NIBAN2: variants seen among roughly 807,000 people sequenced by gnomAD.
NIBAN2 encodes the protein niban apoptosis regulator 2, also known as protein Niban 2.
Under a neutral mutation model 81.8 loss-of-function variants are expected in NIBAN2, and 36 were observed. The ratio of observed to expected loss-of-function variants is 0.44; its 90% CI spans 0.34 to 0.58. The LOEUF (loss-of-function observed/expected upper bound fraction) is 0.58. Among genes scored for constraint, NIBAN2 ranks in the 20% least tolerant of loss-of-function variants. The pLI is 0.02. For missense variants in NIBAN2, 897 were observed against 1,014.1 expected (o/e 0.88, Z 1.57); for synonymous variants, 445 against 441.6 (o/e 1.01, Z -0.10).
intron 1 of NIBAN2, among the ~76,000 whole-genome samples, chr9:127,534,230 C>G (rs1461667130): frequency 6.6e-6 from 1 of 152,254 alleles, no homozygotes; most frequent in Non-Finnish European, 1.5e-5. Flanking sequence ...TTCCAGGTTT[C>G]AAAGACCTGG....
intron 2 of NIBAN2, among the ~76,000 whole-genome samples, chr9:127,529,311 C>T (rs1296754877): frequency 6.6e-6 from 1 of 152,208 alleles, no homozygotes; most frequent in Non-Finnish European, 1.5e-5. Context: ...CAGAGTGGGG[C>T]CACGGGGCTG....
At position 127,561,174 on chromosome 9, in the gene NIBAN2, C is replaced by T. The variant is rs982086042; in HGVS notation, c.55+7646G>A. ...TTGCTGGAACCACAGCCCCATCCCA[C>T]CGTCCTCCAGGAACTCGCTGAATAC... On this transcript the variant is annotated intron_variant, in intron 1 of 13. Coordinates refer to ENST00000373312, the MANE Select transcript of NIBAN2 (RefSeq NM_022833.4). 3.0e-6 allele frequency: 3 copies of T among 985,468 alleles called. No homozygotes were observed. The African/African-American group carries it at 5.2e-5, about 17-fold the overall frequency. 61.0% of individuals were successfully genotyped at this position (985,468 alleles called of 1,614,324 possible).
rs546349539 is a variant in NIBAN2 at position 127,509,105 on chromosome 9, C to T, written c.1188G>A (p.Ala396=). 21 of 1,612,384 alleles carry T rather than the reference C, an allele frequency of 1.3e-5. No homozygotes were observed. Among genetic ancestry groups the T allele is most frequent in the Admixed American group, 8.3e-5 (5 of 59,972 alleles). The change falls in exon 10 of 14, where the codon GCG becomes GCA. Residue 396 remains alanine (A), a synonymous_variant. Transcript: ENST00000373312. The part of the protein sequence containing the change: ...GEYMEKLSRL[A]YHPLKMQSCY... ...AGCTCTGCATCTTCAGGGGGTGGTACGCCAGCCGGGACAGCTTCTCCATGT... is the reference window on the plus strand; with the variant it reads ...AGCTCTGCATCTTCAGGGGGTGGTATGCCAGCCGGGACAGCTTCTCCATGT...
At chr9:127,579,014 G>T, upstream of NIBAN2, 1 of 1,359,896 alleles carries the variant, frequency 7.4e-7, no homozygotes, top group Non-Finnish European at 1.0e-6. Context: ...CTTGAGAGCT[G>T]TTTGCTGCTG....
At chr9:127,557,457 C>T (rs1001020769) in intron 1 of NIBAN2, among the ~76,000 whole-genome samples, 4 of 145,340 alleles carry the variant, frequency 2.8e-5, no homozygotes, top group Non-Finnish European at 6.1e-5. Context: ...AGAAGCCACA[C>T]AGGGGACTGC....
intron 8 of NIBAN2, among the ~76,000 whole-genome samples, chr9:127,514,446 TA>T (rs1836789167): frequency 6.6e-6 from 1 of 151,780 alleles, no homozygotes; most frequent in African/African-American, 2.4e-5. Context: ...CCACAAAAAT[TA>T]AAAATGAAAA....
At position 127,527,313 on chromosome 9, in the gene NIBAN2, C is replaced by G; in HGVS notation, c.196G>C (p.Asp66His). 1 of 1,613,432 alleles carries G rather than the reference C, an allele frequency of 6.2e-7. No individual in the cohort carries two copies. The part of the protein sequence containing the change: ...AQLLWRKVPL[D>H]ERIVFSGNLF... ...TTCCCCGAGAAGACGATGCGCTCGT[C>G]CAGTGGCACCTGTGGGCAGGAGCGG... Residue 66 changes from aspartate to histidine, a missense_variant, in exon 3 of 14, where the codon GAC (aspartate) becomes CAC (histidine). Physicochemically the swap from Asp to His is moderately conservative, Grantham distance 81. This residue lies in a region of NIBAN2 where 209 missense variants were observed against 208.4 expected (regional missense o/e 1.00). Transcript: ENST00000373312.
In NIBAN2 at chr9:127,563,933, G is replaced by C. The variant is rs1012297292; in HGVS notation, c.55+4887C>G. 3.9e-5 allele frequency among the ~76,000 whole-genome samples: 6 copies of C among 152,152 alleles called. No homozygotes were observed. Among genetic ancestry groups the C allele is most frequent in the Non-Finnish European group, 8.8e-5 (6 of 68,032 alleles). On this transcript the variant is annotated intron_variant, in intron 1 of 13. Transcript: ENST00000373312. This position sits in a 1 kb window ranked among gnomAD's most constrained non-coding sequence, Gnocchi z 4.1. ...AAAGGATGAAAATGCTCAATGCTAA[G>C]GTCCATCTTAGCAGGAGAGTGTCAA...
chr9:127,540,064 G>T (rs1429853835), intron 1 of NIBAN2, among the ~76,000 whole-genome samples: 3 of 152,196 alleles, frequency 2.0e-5, no homozygotes, highest in Admixed American at 6.5e-5. Context: ...TCTTGTCAAG[G>T]TTCCTCTAAC....
At chr9:127,527,940 T>G (rs1360843412) in intron 2 of NIBAN2, among the ~76,000 whole-genome samples, 1 of 152,206 alleles carries the variant, frequency 6.6e-6, no homozygotes, top group Admixed American at 6.5e-5. Flanking sequence ...GGGTGTTTGA[T>G]GTCTGACCCG....
At chr9:127,544,794 G>A (rs566574183) in intron 1 of NIBAN2, among the ~76,000 whole-genome samples, 3 of 152,280 alleles carry the variant, frequency 2.0e-5, no homozygotes, top group South Asian at 4.2e-4. Context: ...ATGAGCCACC[G>A]CACCCGGCCA....
At chr9:127,526,808 C>T (rs560087676) in intron 3 of NIBAN2, among the ~76,000 whole-genome samples, 1 of 152,244 alleles carries the variant, frequency 6.6e-6, no homozygotes, top group South Asian at 2.1e-4. Flanking sequence ...CCTCCAACAG[C>T]TCTCTGTGGC....
intron 8 of NIBAN2, among the ~76,000 whole-genome samples, chr9:127,514,346 T>C (rs906365746): frequency 2.0e-5 from 3 of 151,804 alleles, no homozygotes; most frequent in African/African-American, 7.3e-5. Flanking sequence ...AGGGGATAGA[T>C]ACCCCATTTC....
At chr9:127,531,861 C>A in intron 1 of NIBAN2, 83 bp from the exon 2 acceptor site, 2 of 1,558,902 alleles carry the variant, frequency 1.3e-6, no homozygotes, top group Admixed American at 1.8e-5. Flanking sequence ...GGAGTGGCTG[C>A]AAAGCCCCAA....
chr9:127,569,031 G>A lies in NIBAN2; in HGVS notation c.-157C>T. 3 of 1,085,238 alleles carry A rather than the reference G, an allele frequency of 2.8e-6. No individual in the cohort carries two copies. The highest frequency in any genetic ancestry group is 2.2e-6 in the Non-Finnish European group (2 of 902,974). The allele number at this position is 1,085,238 out of a possible 1,614,324, so 67.2% of individuals were successfully genotyped here. On this transcript the variant is annotated 5_prime_UTR_variant, in exon 1 of 14. Coordinates refer to ENST00000373312, the MANE Select transcript of NIBAN2 (RefSeq NM_022833.4). ...CCGCCCGGCTGCGGCTTCCGCTCCG[G>A]CTCCGCTCCCGGTCGGGCCCCGTCC... is the stretch of plus-strand genomic sequence containing the variant.
rs987964508 is a variant in NIBAN2, at chr9:127,549,870, C to T, written c.56-18092G>A. The stretch of plus-strand genomic sequence containing the variant: ...GTCACCAGCTGCAGGTGTCCTCAGG[C>T]TCCAGAGGGGGCCAGAAGGGGAGGT... On this transcript the variant is annotated intron_variant, in intron 1 of 13. Transcript: ENST00000373312. 4.6e-5 allele frequency among the ~76,000 whole-genome samples: 7 copies of T among 152,176 alleles called. No individual in the cohort carries two copies. In the East Asian group the frequency reaches 7.7e-4, roughly 17 times the overall value.
Position 127,508,572 on chromosome 9 carries a change from A to G in NIBAN2, c.1318-34T>C. The G allele has an allele frequency of 6.4e-7, 1 of 1,565,696 alleles. No homozygotes were observed. ...CATACCGCGGACATGTGAAGCCCCCAGGGTGACCACAGCCCCTTCCTGGGT... is the reference window on the plus strand; with the variant it reads ...CATACCGCGGACATGTGAAGCCCCCGGGGTGACCACAGCCCCTTCCTGGGT... On this transcript the variant is annotated intron_variant, in intron 10 of 13. Transcript: ENST00000373312. The surrounding 1 kb of genome is among the most constrained non-coding windows in gnomAD (Gnocchi z 6.4).
At chr9:127,512,151 CTAATCATCAACTCAAAAGAATGCAACT>C (rs1836749073) in intron 8 of NIBAN2, among the ~76,000 whole-genome samples, 1 of 152,212 alleles carries the variant, frequency 6.6e-6, no homozygotes, top group Admixed American at 6.5e-5. Context: ...TTTGGAGAGG[CTAATCATCAACTCAAAAGAATGCAACT>C]ATTTGTCTCT....
At chr9:127,560,683 G>A (rs370127435) in intron 1 of NIBAN2, among the ~76,000 whole-genome samples, 1 of 152,184 alleles carries the variant, frequency 6.6e-6, no homozygotes, top group East Asian at 1.9e-4. Flanking sequence ...GTGTAGCTGC[G>A]TGTCCCTGGT....
Sources: allele counts gnomAD v4.1 joint callset (sites outside exome capture counted in the v4.1 genomes callset), GRCh38; gene constraint gnomAD v4.1.1; regional missense constraint gnomAD v4.1.1; non-coding constraint Gnocchi (gnomAD v3.1); transcripts MANE v1.5; gene names NCBI Gene and HGNC (gene_info 2026-07-23, HGNC 2026-07-21).